PHLDB2: variants seen among roughly 807,000 people sequenced by gnomAD.
PHLDB2 encodes the protein pleckstrin homology like domain family B member 2.
Under a neutral mutation model 123.6 loss-of-function variants are expected in PHLDB2, and 71 were observed. The ratio of observed to expected loss-of-function variants is 0.57; its 90% CI spans 0.47 to 0.70. The LOEUF (loss-of-function observed/expected upper bound fraction) is 0.70. Ranked by LOEUF, PHLDB2 falls within the 30% of genes least tolerant of loss-of-function variation. PHLDB2 has a pLI of 0.00. For missense variants in PHLDB2, 1,446 were observed against 1,519.5 expected, an observed-to-expected ratio of 0.95 and a Z score of 0.80; for synonymous variants, 547 against 541.6, an observed-to-expected ratio of 1.01 and a Z score of -0.14.
At chr3:111,772,713 A>C (rs75695019) in intron 1 of PHLDB2, among the ~76,000 whole-genome samples, 6,711 of 152,288 alleles carry the variant, frequency 0.044, 218 homozygotes, top group Non-Finnish European at 0.066. Context: ...GAGAATATCC[A>C]GGGTCGTTTT....
chr3:111,772,692 G>T (rs537897763), intron 1 of PHLDB2, among the ~76,000 whole-genome samples: 2 of 152,306 alleles, frequency 1.3e-5, no homozygotes, highest in South Asian at 4.1e-4. Flanking sequence ...CACAAGTAAA[G>T]GTTGCCGCAA....
chr3:111,737,402 C>A (rs1243163902), intron 1 of PHLDB2, among the ~76,000 whole-genome samples: 3 of 152,080 alleles, frequency 2.0e-5, no homozygotes, highest in Non-Finnish European at 4.4e-5. Context: ...TGCAGGAGAA[C>A]CCATAGTTTT....
At position 111,966,684 on chromosome 3, in the gene PHLDB2, C is replaced by G. The variant is rs776120319; in HGVS notation, c.3149C>G (p.Thr1050Arg). 2 of 1,612,906 alleles carry G rather than the reference C, an allele frequency of 1.2e-6. No individual in the cohort carries two copies. Among genetic ancestry groups the G allele is most frequent in the South Asian group, 2.2e-5 (2 of 90,930 alleles). Reference sequence around the variant, plus strand: ...TTGAAGCAGGCTCATGCAGAAAAGACGCGGCTGCTCGAATCCAGGGTAAGC... The same window carrying G: ...TTGAAGCAGGCTCATGCAGAAAAGAGGCGGCTGCTCGAATCCAGGGTAAGC... Reference protein sequence around the residue: ...RLLKQAHAEKTRLLESREREM... With the variant: ...RLLKQAHAEKRRLLESREREM... The change falls in exon 14 of 18, where the codon ACG becomes AGG. Residue 1050 changes from threonine (T) to arginine (R), a missense_variant. Physicochemically the swap from Thr to Arg is moderately conservative, Grantham distance 71 (BLOSUM62 -1). Coordinates refer to ENST00000431670, the MANE Select transcript of PHLDB2 (RefSeq NM_001134438.2).
intron 1 of PHLDB2, among the ~76,000 whole-genome samples, chr3:111,825,166 T>C (rs2062595809): frequency 1.3e-5 from 2 of 152,210 alleles, no homozygotes; most frequent in Admixed American, 6.5e-5. Flanking sequence ...ATAATCTAGG[T>C]AATTGTCACA....
At chr3:111,851,692 T>G (rs577716620) in intron 2 of PHLDB2, among the ~76,000 whole-genome samples, 1 of 152,292 alleles carries the variant, frequency 6.6e-6, no homozygotes, top group Admixed American at 6.5e-5. Flanking sequence ...CGCTGGCTCT[T>G]CCTGTTGTCC....
intron 2 of PHLDB2, among the ~76,000 whole-genome samples, chr3:111,896,727 AAT>A (rs1229150585): frequency 6.6e-6 from 1 of 151,260 alleles, no homozygotes; most frequent in African/African-American, 2.4e-5. Flanking sequence ...TGCTGTAGAG[AAT>A]ATTCTTAAAG....
At chr3:111,876,343 C>T (rs2065619203) in intron 1 of PHLDB2, among the ~76,000 whole-genome samples, 1 of 152,140 alleles carries the variant, frequency 6.6e-6, no homozygotes. Flanking sequence ...GTTAAGAACA[C>T]TGACACCCTG....
chr3:111,962,192 T>C lies in PHLDB2; in HGVS notation c.2957T>C (p.Leu986Ser). 6.3e-7 allele frequency: 1 copy of C among 1,583,672 alleles called. No individual in the cohort carries two copies. The highest frequency in any genetic ancestry group is 1.2e-5 in the South Asian group (1 of 85,396). Residue 986 changes from leucine (L) to serine (S), a missense_variant, in exon 13 of 18, where the codon TTG becomes TCG. Around this residue, in one of 3 missense-constraint regions of PHLDB2, gnomAD observed 594 missense variants for 646.0 expected, o/e 0.92. Coordinates refer to ENST00000431670, the MANE Select transcript of PHLDB2 (RefSeq NM_001134438.2). Reference protein sequence around the residue: ...NRTASESNVYLNSFHYPDHSY... With the variant: ...NRTASESNVYSNSFHYPDHSY... ...ACAGCATCTGAATCAAATGTCTACT[T>C]GAATAGTTTCCATTATCCAGATCAC...
chr3:111,897,575 G>A (rs1471513265), intron 2 of PHLDB2, among the ~76,000 whole-genome samples: 2 of 152,206 alleles, frequency 1.3e-5, no homozygotes, highest in African/African-American at 2.4e-5. Flanking sequence ...ATTCAAAATT[G>A]CTAAGACCAT....
At chr3:111,822,991 T>C (rs1489788625) in intron 1 of PHLDB2, among the ~76,000 whole-genome samples, 1 of 152,224 alleles carries the variant, frequency 6.6e-6, no homozygotes, top group Admixed American at 6.5e-5. Flanking sequence ...CTAGGCAACA[T>C]GCTTTCCTGG....
At chr3:111,825,044 T>C (rs1213572004) in intron 1 of PHLDB2, among the ~76,000 whole-genome samples, 2 of 152,212 alleles carry the variant, frequency 1.3e-5, no homozygotes. Flanking sequence ...GAAGACTATT[T>C]CATGGTAAAC....
intron 2 of PHLDB2, chr3:111,845,990 T>A: frequency 6.5e-7 from 1 of 1,546,576 alleles, no homozygotes; most frequent in Non-Finnish European, 8.9e-7. Context: ...TCTTACTCCA[T>A]CATACATATT....
intron 1 of PHLDB2, among the ~76,000 whole-genome samples, chr3:111,824,511 C>A (rs574228496): frequency 6.6e-6 from 1 of 152,320 alleles, no homozygotes; most frequent in African/African-American, 2.4e-5. Flanking sequence ...TGACCCAAAT[C>A]AACTAAAGGT....
intron 1 of PHLDB2, among the ~76,000 whole-genome samples, chr3:111,820,522 C>T (rs1299052936): frequency 6.6e-6 from 1 of 152,200 alleles, no homozygotes; most frequent in Non-Finnish European, 1.5e-5. Context: ...ATCCATTCTA[C>T]ACTATATTTA....
At position 111,883,674 on chromosome 3, in the gene PHLDB2, A is replaced by G. The variant is rs1419013989; in HGVS notation, c.-14-390A>G. ...GTTAATGATTCTAGCAGAGACAGCT[A>G]TAGGAAAGTCCATTGCATTATGCCT... On this transcript the variant is annotated intron_variant, in intron 1 of 17. Coordinates refer to ENST00000431670, the MANE Select transcript of PHLDB2 (RefSeq NM_001134438.2). Among the ~76,000 whole-genome samples the G allele has an allele frequency of 2.0e-5, 3 of 152,224 alleles. No individual in the cohort carries two copies. In the East Asian group the frequency reaches 5.8e-4, roughly 29 times the overall value.
At chr3:111,806,774 C>T (rs1389105155) in intron 1 of PHLDB2, among the ~76,000 whole-genome samples, 1 of 151,898 alleles carries the variant, frequency 6.6e-6, no homozygotes, top group Non-Finnish European at 1.5e-5. Context: ...GCATGAGCCA[C>T]TGCACCTAGC....
chr3:111,848,309 G>A (rs577197875), intron 2 of PHLDB2, among the ~76,000 whole-genome samples: 6 of 152,082 alleles, frequency 3.9e-5, no homozygotes, highest in Admixed American at 6.5e-5. Context: ...GTTACCCCCC[G>A]CCACCTGCCA....
At chr3:111,961,542 AAAAG>A (rs1053723310) in intron 12 of PHLDB2, among the ~76,000 whole-genome samples, 8 of 152,258 alleles carry the variant, frequency 5.3e-5, no homozygotes, top group South Asian at 4.1e-4. Flanking sequence ...GAACAACTGA[AAAAG>A]AGAGAGAGAG....
At chr3:111,954,375 G>A (rs1029870473) in intron 12 of PHLDB2, among the ~76,000 whole-genome samples, 59 of 152,176 alleles carry the variant, frequency 3.9e-4, no homozygotes, top group African/African-American at 1.4e-3. Context: ...TCACTCACCT[G>A]GGTTGTGTCT....
Sources: allele counts gnomAD v4.1 joint callset (sites outside exome capture counted in the v4.1 genomes callset), GRCh38; gene constraint gnomAD v4.1.1; regional missense constraint gnomAD v4.1.1; transcripts MANE v1.5; gene names NCBI Gene and HGNC (gene_info 2026-07-23, HGNC 2026-07-21).